The following TOGARAM2 variants were observed in gnomAD, a reference collection of about 807,000 sequenced individuals.
TOGARAM2 encodes the protein TOG array regulator of axonemal microtubules protein 2.
A neutral mutation model predicts 93.3 loss-of-function variants in TOGARAM2; 85 were observed. That is an observed-to-expected ratio of 0.91 (90% CI 0.76 to 1.09). TOGARAM2 has a LOEUF of 1.09. Among genes scored for constraint, TOGARAM2 ranks in the 50% least tolerant of loss-of-function variants. The probability of loss-of-function intolerance (pLI) is 0.00; values close to 1 mark genes in which losing one functional copy is unlikely to be tolerated. For synonymous variants in TOGARAM2, 593 were observed against 552.8 expected, an observed-to-expected ratio of 1.07 and a Z score of -1.02; for missense variants, 1,277 against 1,334.5, an observed-to-expected ratio of 0.96 and a Z score of 0.67.
chr2:29,043,636 T>A (rs1157902378), intron 18 of TOGARAM2, among the ~76,000 whole-genome samples: 2 of 152,170 alleles, frequency 1.3e-5, no homozygotes, highest in Non-Finnish European at 2.9e-5. Flanking sequence ...CAAAGCCACA[T>A]CTCTGAAAAA....
At chr2:28,974,944 T>C (rs1672002184) in intron 1 of TOGARAM2, among the ~76,000 whole-genome samples, 2 of 152,184 alleles carry the variant, frequency 1.3e-5, no homozygotes, top group South Asian at 2.1e-4. Context: ...TTCATTTCTT[T>C]TCAGTCTATA....
In TOGARAM2 at chr2:29,035,667, C is replaced by G; in HGVS notation, c.2418+11C>G. 1 of 1,398,036 alleles carries G rather than the reference C, an allele frequency of 7.2e-7. No individual in the cohort carries two copies. The highest frequency in any genetic ancestry group is 9.4e-7 in the Non-Finnish European group (1 of 1,064,060). The allele number at this position is 1,398,036 out of a possible 1,614,324, so 86.6% of individuals were successfully genotyped here. On this transcript the variant is annotated intron_variant, in intron 17 of 19. Transcript: ENST00000379558. ...GCCCACCTGGTCCAGGTGAGCACCG[C>G]TTGCTTTTACTCTCCCACCTGTCTC...
chr2:28,967,798 C>CTTTTTTTTT (rs11417570), intron 1 of TOGARAM2, among the ~76,000 whole-genome samples: 4 of 78,538 alleles, frequency 5.1e-5, no homozygotes, highest in African/African-American at 2.2e-4. Flanking sequence ...ATAAGATGGT[C>CTTTTTTTTT]TTTTTTTTTT....
rs752874730 is a variant in TOGARAM2, at chr2:29,002,714, G to C, written c.606G>C (p.Pro202=). The change falls in exon 5 of 20, where the codon CCG becomes CCC. Residue 202 remains proline (P), a synonymous_variant. Coordinates refer to ENST00000379558, the MANE Select transcript of TOGARAM2 (RefSeq NM_199280.4). ...EKGLDLPGSI[P]GPHELRPGAQ... The stretch of plus-strand genomic sequence containing the variant: ...GCCTGGACCTACCGGGGAGCATTCC[G>C]GGTCCTCACGAGTTGAGACCCGGTG... The C allele has an allele frequency of 6.2e-7, 1 of 1,613,810 alleles. No individual in the cohort carries two copies. The highest frequency in any genetic ancestry group is 8.5e-7 in the Non-Finnish European group (1 of 1,179,810).
intron 1 of TOGARAM2, among the ~76,000 whole-genome samples, chr2:28,985,936 A>G (rs1161954660): frequency 6.6e-6 from 1 of 151,968 alleles, no homozygotes; most frequent in Non-Finnish European, 1.5e-5. Flanking sequence ...AAACCCCGTC[A>G]CTACTAATAA....
At chr2:29,023,545 C>A (rs1323038759) in intron 12 of TOGARAM2, among the ~76,000 whole-genome samples, 1 of 152,192 alleles carries the variant, frequency 6.6e-6, no homozygotes, top group African/African-American at 2.4e-5. Context: ...TCTTTCATGG[C>A]TCTGTGGCTT....
chr2:28,969,889 C>A (rs1323730128), intron 1 of TOGARAM2, among the ~76,000 whole-genome samples: 1 of 149,464 alleles, frequency 6.7e-6, no homozygotes, highest in African/African-American at 2.5e-5. Context: ...CTCAGCTCAC[C>A]ACAACCTCTG....
At chr2:29,003,915 C>A (rs961377041) in intron 6 of TOGARAM2, among the ~76,000 whole-genome samples, 1 of 152,222 alleles carries the variant, frequency 6.6e-6, no homozygotes, top group African/African-American at 2.4e-5. Context: ...GCATCACGAA[C>A]AATGTCTCCA....
intron 19 of TOGARAM2, chr2:29,046,319 GC>G (rs1165767290): frequency 6.6e-6 from 1 of 152,268 alleles, no homozygotes; most frequent in African/African-American, 2.4e-5. Flanking sequence ...ACACCCATCT[GC>G]CACCACCAGC....
chr2:29,019,177 CTTT>C lies in TOGARAM2; in HGVS notation c.1360+1240_1360+1242del, dbSNP rs61378143. On this transcript the variant is annotated intron_variant, in intron 10 of 19. Coordinates refer to ENST00000379558, the MANE Select transcript of TOGARAM2 (RefSeq NM_199280.4). ...ATTGATGTATATAACCCAACTGACT[CTTT>C]TTTTTTTTTTTTTTTTTTATGACAG... Among the ~76,000 whole-genome samples the C allele has an allele frequency of 8.2e-3, 992 of 121,688 alleles. 6 individuals are homozygous for C. Among genetic ancestry groups the C allele is most frequent in the African/African-American group, 0.025 (822 of 32,488 alleles). The allele number at this position is 121,688 out of a possible 152,430, so 79.8% of individuals were successfully genotyped here. A position where few individuals can be genotyped will look rare whatever the true frequency, so the allele number is the denominator to read the frequency against.
intron 1 of TOGARAM2, among the ~76,000 whole-genome samples, chr2:28,991,449 G>A (rs1280060681): frequency 6.6e-6 from 1 of 152,312 alleles, no homozygotes; most frequent in East Asian, 1.9e-4. Flanking sequence ...CCTCAGCCTG[G>A]CTCACCCCTC....
chr2:28,967,251 G>A (rs563651190), intron 1 of TOGARAM2, among the ~76,000 whole-genome samples: 1 of 152,246 alleles, frequency 6.6e-6, no homozygotes, highest in East Asian at 1.9e-4. Context: ...AAAACAGGAG[G>A]ATTTCTTGAG....
intron 1 of TOGARAM2, among the ~76,000 whole-genome samples, chr2:28,984,184 C>T (rs962834925): frequency 6.6e-6 from 1 of 152,080 alleles, no homozygotes; most frequent in Non-Finnish European, 1.5e-5. Flanking sequence ...ACCTCTGGTT[C>T]TTGGCCCAAC....
chr2:28,966,690 C>A (rs900860275), intron 1 of TOGARAM2, among the ~76,000 whole-genome samples: 4 of 152,166 alleles, frequency 2.6e-5, no homozygotes, highest in African/African-American at 9.7e-5. Flanking sequence ...ACCCACAATT[C>A]CCTGCATCCC....
At chr2:29,050,217 G>A (rs943286079) in intron 19 of TOGARAM2, 13 of 152,280 alleles carry the variant, frequency 8.5e-5, no homozygotes, top group African/African-American at 2.6e-4. Context: ...AAATAACTGA[G>A]CGTGGAGGCG....
chr2:28,980,765 T>C (rs1421257709), upstream of TOGARAM2, among the ~76,000 whole-genome samples: 1 of 152,220 alleles, frequency 6.6e-6, no homozygotes, highest in East Asian at 1.9e-4. Context: ...ATGGAGAGCC[T>C]ACCAAGTGCT....
Position 29,024,389 on chromosome 2 carries a change from G to A in TOGARAM2, c.1853+15G>A, listed in dbSNP as rs767734892. The A allele has an allele frequency of 6.4e-7, 1 of 1,553,060 alleles. No individual in the cohort carries two copies. The highest frequency in any genetic ancestry group is 8.7e-7 in the Non-Finnish European group (1 of 1,144,474). ...GCGGGTGTCTAGTATGTGGCTGCCT[G>A]TTGTCTGAGGGGCGGGGAAGTCAGG... is the stretch of plus-strand genomic sequence containing the variant. On this transcript the variant is annotated intron_variant, in intron 13 of 19. Transcript: ENST00000379558.
intron 18 of TOGARAM2, among the ~76,000 whole-genome samples, chr2:29,043,645 A>C (rs1382557450): frequency 1.3e-5 from 2 of 152,224 alleles, no homozygotes; most frequent in African/African-American, 4.8e-5. Flanking sequence ...ATCTCTGAAA[A>C]ATGCATTTTG....
chr2:29,045,424 G>A lies in TOGARAM2; in HGVS notation c.2722+14G>A. The A allele has an allele frequency of 5.4e-6, 6 of 1,113,248 alleles. No individual in the cohort carries two copies. Among genetic ancestry groups the A allele is most frequent in the South Asian group, 1.2e-5 (1 of 82,242 alleles). The allele number at this position is 1,113,248 out of a possible 1,614,324, so 69.0% of individuals were successfully genotyped here. ...ATCGCCTGGCAGGTGAGCACCCCCA[G>A]CCCCACCCCACCCCATCTCCTGGCA... is the stretch of plus-strand genomic sequence containing the variant. On this transcript the variant is annotated intron_variant, in intron 19 of 19. Coordinates refer to ENST00000379558, the MANE Select transcript of TOGARAM2 (RefSeq NM_199280.4).
Sources: allele counts gnomAD v4.1 joint callset (sites outside exome capture counted in the v4.1 genomes callset), GRCh38; gene constraint gnomAD v4.1.1; transcripts MANE v1.5; gene names NCBI Gene and HGNC (gene_info 2026-07-23, HGNC 2026-07-21).